MB21D2: variants seen among roughly 807,000 people sequenced by gnomAD.
The protein encoded by MB21D2 is Mab-21 domain containing 2.
In MB21D2, 9 loss-of-function variants were observed where a neutral mutation model predicts 33.3. The ratio of observed to expected loss-of-function variants is 0.27; its 90% CI spans 0.16 to 0.47. The LOEUF (loss-of-function observed/expected upper bound fraction) is 0.47. MB21D2 is among the 20% of genes least tolerant of loss of function. The probability of loss-of-function intolerance (pLI) is 0.99; values close to 1 mark genes in which losing one functional copy is unlikely to be tolerated. For synonymous variants in MB21D2, 241 were observed against 236.3 expected (o/e 1.02, Z -0.18); for missense variants, 540 against 624.6 (o/e 0.86, Z 1.44).
chr3:192,900,045 G>A (rs1181069559), intron 1 of MB21D2, among the ~76,000 whole-genome samples: 2 of 152,094 alleles, frequency 1.3e-5, no homozygotes, highest in African/African-American at 4.8e-5. Context: ...AGCACTTTGG[G>A]AGGCTGAGGC....
At chr3:192,837,826 G>A (rs1712472814) in intron 1 of MB21D2, among the ~76,000 whole-genome samples, 2 of 152,228 alleles carry the variant, frequency 1.3e-5, no homozygotes, top group Non-Finnish European at 2.9e-5. Context: ...GAAAACAACT[G>A]AGAAGTAGCC....
At chr3:192,903,985 A>G (rs1040890983) in intron 1 of MB21D2, among the ~76,000 whole-genome samples, 3 of 152,226 alleles carry the variant, frequency 2.0e-5, no homozygotes, top group African/African-American at 4.8e-5. Context: ...CTGTGAGCCA[A>G]TTAAACCTCG....
At chr3:192,867,421 G>C (rs753490822) in intron 1 of MB21D2, among the ~76,000 whole-genome samples, 1 of 152,164 alleles carries the variant, frequency 6.6e-6, no homozygotes, top group Non-Finnish European at 1.5e-5. Flanking sequence ...TACCCTGGCT[G>C]TCACCCCACT....
intron 1 of MB21D2, among the ~76,000 whole-genome samples, chr3:192,913,896 T>C (rs971232852): frequency 1.3e-5 from 2 of 152,182 alleles, no homozygotes; most frequent in Non-Finnish European, 2.9e-5. Context: ...AATGAAACTA[T>C]AGATTTTAAC....
intron 1 of MB21D2, among the ~76,000 whole-genome samples, chr3:192,807,854 A>G (rs1014900044): frequency 9.9e-5 from 15 of 152,152 alleles, no homozygotes; most frequent in Non-Finnish European, 2.1e-4. Context: ...TGTTAATTCT[A>G]TCAATCAGGA....
intron 1 of MB21D2, among the ~76,000 whole-genome samples, chr3:192,878,001 A>AC (rs1713472039): frequency 6.8e-6 from 1 of 148,140 alleles, no homozygotes; most frequent in African/African-American, 2.4e-5. Context: ...AAAAAGAAAC[A>AC]CTGAGAGGCA....
intron 1 of MB21D2, among the ~76,000 whole-genome samples, chr3:192,808,030 G>A (rs980976454): frequency 1.3e-5 from 2 of 152,136 alleles, no homozygotes; most frequent in African/African-American, 4.8e-5. Flanking sequence ...AGCAAGCCAT[G>A]TCTAGAAGGA....
At chr3:192,870,699 G>GAAAAA (rs57320648) in intron 1 of MB21D2, among the ~76,000 whole-genome samples, 5,608 of 41,424 alleles carry the variant, frequency 0.14, 755 homozygotes, top group African/African-American at 0.27. Flanking sequence ...CGACTCCGTT[G>GAAAAA]AAAAAAAAAA....
chr3:192,802,209 C>T (rs1711577035), intron 1 of MB21D2, among the ~76,000 whole-genome samples: 1 of 152,196 alleles, frequency 6.6e-6, no homozygotes, highest in Non-Finnish European at 1.5e-5. Flanking sequence ...AGTGTCCCAG[C>T]TCAGGATACT....
chr3:192,865,938 T>G (rs965633871), intron 1 of MB21D2, among the ~76,000 whole-genome samples: 1 of 151,862 alleles, frequency 6.6e-6, no homozygotes, highest in Non-Finnish European at 1.5e-5. Context: ...CCAGCCACTC[T>G]GGAAGCTGAG....
intron 1 of MB21D2, among the ~76,000 whole-genome samples, chr3:192,816,974 G>T (rs755676993): frequency 1.2e-4 from 18 of 152,054 alleles, no homozygotes; most frequent in Non-Finnish European, 2.2e-4. Context: ...CTGGAACTTT[G>T]CAATCCTGAG....
chr3:192,854,166 T>C (rs371619819), intron 1 of MB21D2, among the ~76,000 whole-genome samples: 5 of 152,346 alleles, frequency 3.3e-5, no homozygotes, highest in African/African-American at 9.6e-5. Flanking sequence ...AAAGCTGAGA[T>C]GGGCTGAAAG....
intron 1 of MB21D2, among the ~76,000 whole-genome samples, chr3:192,873,639 C>T (rs143999692): frequency 2.0e-5 from 3 of 152,300 alleles, no homozygotes; most frequent in East Asian, 1.9e-4. Context: ...ACTCTTTGAC[C>T]GCTGTCCTCG....
intron 1 of MB21D2, among the ~76,000 whole-genome samples, chr3:192,813,798 T>C (rs1041531285): frequency 2.6e-5 from 4 of 152,170 alleles, no homozygotes; most frequent in African/African-American, 9.7e-5. Flanking sequence ...GTTGTCAATT[T>C]GTTGTAAGGT....
chr3:192,882,856 T>A (rs947498084), intron 1 of MB21D2, among the ~76,000 whole-genome samples: 1 of 151,908 alleles, frequency 6.6e-6, no homozygotes, highest in African/African-American at 2.4e-5. Context: ...TGCCTCAGCC[T>A]CCCGAGTAGC....
intron 1 of MB21D2, among the ~76,000 whole-genome samples, chr3:192,802,673 G>A (rs1711583968): frequency 6.6e-6 from 1 of 152,114 alleles, no homozygotes; most frequent in African/African-American, 2.4e-5. Flanking sequence ...GGATAAAATT[G>A]ATTTCTCAGA....
chr3:192,863,036 C>T (rs1009945356), intron 1 of MB21D2, among the ~76,000 whole-genome samples: 1 of 152,186 alleles, frequency 6.6e-6, no homozygotes, highest in Non-Finnish European at 1.5e-5. Context: ...CTGAAGGTTC[C>T]ATCTCTTAAT....
chr3:192,896,359 G>A (rs968716081), intron 1 of MB21D2, among the ~76,000 whole-genome samples: 10 of 151,984 alleles, frequency 6.6e-5, no homozygotes, highest in Non-Finnish European at 1.5e-4. Context: ...ACAACCCAGC[G>A]TCCTTCGCCT....
At chr3:192,908,600 A>T (rs1032384810) in intron 1 of MB21D2, among the ~76,000 whole-genome samples, 1 of 150,888 alleles carries the variant, frequency 6.6e-6, no homozygotes, top group African/African-American at 2.4e-5. Context: ...TTTTTTTTTT[A>T]GTAGAGACGA....
Sources: allele counts gnomAD v4.1 joint callset (sites outside exome capture counted in the v4.1 genomes callset), GRCh38; gene constraint gnomAD v4.1.1; transcripts MANE v1.5; gene names NCBI Gene and HGNC (gene_info 2026-07-23, HGNC 2026-07-21).